Variants in KALRN observed in about 807,000 individuals in gnomAD.
KALRN encodes kalirin RhoGEF kinase, also known as kalirin.
Under a neutral mutation model 353.7 loss-of-function variants are expected in KALRN, and 70 were observed. The ratio of observed to expected loss-of-function variants is 0.20; its 90% CI spans 0.16 to 0.24. KALRN has a LOEUF of 0.24. KALRN is among the 10% of genes least tolerant of loss of function. The probability of loss-of-function intolerance (pLI) is 1.00; values close to 1 mark genes in which losing one functional copy is unlikely to be tolerated. For synonymous variants in KALRN, 1,391 were observed against 1,434.8 expected (o/e 0.97, Z 0.69); for missense variants, 2,791 against 3,756.7 (o/e 0.74, Z 6.72).
intron 1 of KALRN, among the ~76,000 whole-genome samples, chr3:124,060,799 G>T (rs2041937164): frequency 6.6e-6 from 1 of 152,220 alleles, no homozygotes; most frequent in African/African-American, 2.4e-5. Flanking sequence ...ACCATGACTT[G>T]CCTGGAGACA....
intron 33 of KALRN, among the ~76,000 whole-genome samples, chr3:124,497,497 C>A (rs895585664): frequency 5.9e-4 from 89 of 152,032 alleles, no homozygotes; most frequent in Non-Finnish European, 2.5e-4. Flanking sequence ...GGGACTGTGC[C>A]CCGAACCTGC....
chr3:124,239,726 A>G (rs2080214249), intron 3 of KALRN, among the ~76,000 whole-genome samples: 1 of 152,244 alleles, frequency 6.6e-6, no homozygotes, highest in African/African-American at 2.4e-5. Flanking sequence ...GACAGCTGAA[A>G]GAAGAGGGGT....
chr3:124,398,967 T>A (rs914699444), intron 13 of KALRN, 96 bp downstream of exon 13: 3 of 1,285,978 alleles, frequency 2.3e-6, no homozygotes, highest in East Asian at 4.9e-5. Flanking sequence ...CTAAGGAAAT[T>A]AGAGCATCCA....
intron 51 of KALRN, chr3:124,679,897 C>T (rs1339829001): frequency 1.3e-5 from 4 of 298,948 alleles, no homozygotes; most frequent in Admixed American, 4.6e-5. Context: ...GGACTCATTT[C>T]GTGTTTAGTT....
In KALRN at chr3:124,538,008, A is replaced by T. The variant is rs144213901; in HGVS notation, c.4936-24835A>T. The stretch of plus-strand genomic sequence containing the variant: ...AAGAAACAAGCAAAAGAATTGTGAG[A>T]AACGTCGAAGTCCCCACGGAGGTGT... On this transcript the variant is annotated intron_variant, in intron 33 of 59. Transcript: ENST00000682506. Among the ~76,000 whole-genome samples, 320 of 152,364 alleles carry T rather than the reference A, an allele frequency of 2.1e-3. 3 individuals carry two copies. Among genetic ancestry groups the T allele is most frequent in the African/African-American group, 7.4e-3 (309 of 41,584 alleles).
chr3:124,139,154 T>C (rs1205294228), intron 1 of KALRN, among the ~76,000 whole-genome samples: 1 of 152,154 alleles, frequency 6.6e-6, no homozygotes, highest in East Asian at 1.9e-4. Flanking sequence ...TTTTTTCTCT[T>C]GGTTACATGG....
intron 9 of KALRN, among the ~76,000 whole-genome samples, chr3:124,340,184 G>C (rs997967981): frequency 6.6e-6 from 1 of 152,184 alleles, no homozygotes; most frequent in African/African-American, 2.4e-5. Context: ...CTGGTGATGA[G>C]TGAGTGGAGA....
chr3:124,191,751 G>T (rs565182788), intron 1 of KALRN, among the ~76,000 whole-genome samples: 1 of 152,288 alleles, frequency 6.6e-6, no homozygotes, highest in Admixed American at 6.5e-5. Context: ...CCTATTTGGT[G>T]GTAGGCTTTT....
intron 34 of KALRN, among the ~76,000 whole-genome samples, chr3:124,597,194 G>A (rs1193878001): frequency 6.6e-6 from 1 of 152,160 alleles, no homozygotes; most frequent in African/African-American, 2.4e-5. Flanking sequence ...CACTTTTTGT[G>A]TTGATTCCCA....
At chr3:124,446,391 A>G in intron 20 of KALRN, 115 bp downstream of exon 20, 1 of 708,054 alleles carries the variant, frequency 1.4e-6, no homozygotes. Context: ...GGAGTGGGGA[A>G]TAAAGAAGAA....
chr3:124,602,128 G>T (rs73191651), intron 34 of KALRN, among the ~76,000 whole-genome samples: 6,043 of 152,050 alleles, frequency 0.04, 138 homozygotes, highest in East Asian at 0.073. Flanking sequence ...TAGGCAAAAA[G>T]AAATGACATT....
chr3:124,414,437 A>G (rs1243322502), intron 14 of KALRN, among the ~76,000 whole-genome samples: 1 of 152,178 alleles, frequency 6.6e-6, no homozygotes, highest in African/African-American at 2.4e-5. Flanking sequence ...TCAATTGTTA[A>G]TCACTGGTCT....
intron 1 of KALRN, among the ~76,000 whole-genome samples, chr3:124,132,385 C>T (rs1345582720): frequency 2.6e-5 from 4 of 152,156 alleles, no homozygotes; most frequent in Admixed American, 6.5e-5. Context: ...GAACCCGAGC[C>T]GGTGAGAACA....
intron 1 of KALRN, among the ~76,000 whole-genome samples, chr3:124,201,548 A>G (rs79098030): frequency 0.051 from 7,735 of 151,546 alleles, 365 homozygotes; most frequent in African/African-American, 0.13. Flanking sequence ...AATCCTTTGG[A>G]AAAAAAAAGG....
intron 33 of KALRN, among the ~76,000 whole-genome samples, chr3:124,537,365 A>T (rs751333596): frequency 2.6e-5 from 4 of 152,218 alleles, no homozygotes; most frequent in Non-Finnish European, 4.4e-5. Flanking sequence ...TAAAACCACG[A>T]TACTTTCAAT....
chr3:124,359,960 A>G (rs1398982761), intron 10 of KALRN, among the ~76,000 whole-genome samples: 2 of 152,228 alleles, frequency 1.3e-5, no homozygotes, highest in Admixed American at 6.5e-5. Context: ...GGTACTGACA[A>G]ACATCATCAA....
chr3:124,235,046 G>C (rs1318651198), intron 3 of KALRN, 103 bp downstream of exon 3: 1 of 756,578 alleles, frequency 1.3e-6, no homozygotes, highest in East Asian at 2.7e-5. Flanking sequence ...AGTGGTTTCT[G>C]CTCTTCCAGT....
chr3:124,670,568 G>A (rs1309216578), intron 47 of KALRN, among the ~76,000 whole-genome samples: 1 of 152,206 alleles, frequency 6.6e-6, no homozygotes, highest in Non-Finnish European at 1.5e-5. Flanking sequence ...TAGAAAGGAA[G>A]TGTGACCCTA....
At chr3:124,040,785 A>G (rs1342893363) in intron 1 of KALRN, among the ~76,000 whole-genome samples, 1 of 152,242 alleles carries the variant, frequency 6.6e-6, no homozygotes, top group East Asian at 1.9e-4. Context: ...CTAGAAGCAC[A>G]AGAAATCCTA....
Sources: gnomAD v4.1 joint callset for allele counts (sites outside exome capture counted in the v4.1 genomes callset) on GRCh38, gnomAD v4.1.1 for gene constraint, MANE v1.5 for transcripts, NCBI Gene and HGNC (gene_info 2026-07-23, HGNC 2026-07-21) for gene names.